Variants in STXBP5 observed in about 807,000 individuals in gnomAD.
STXBP5 encodes syntaxin-binding protein 5.
Under a neutral mutation model 152.4 loss-of-function variants are expected in STXBP5, and 50 were observed. That is an observed-to-expected ratio of 0.33 (90% CI 0.26 to 0.42). The LOEUF is 0.42. Among genes scored for constraint, STXBP5 ranks in the 10% least tolerant of loss-of-function variants. The pLI is 1.00. For missense variants in STXBP5, 1,167 were observed against 1,388.6 expected, an observed-to-expected ratio of 0.84 and a Z score of 2.54; for synonymous variants, 492 against 494.7, an observed-to-expected ratio of 0.99 and a Z score of 0.07.
At chr6:147,289,600 A>G (rs989587526) in intron 8 of STXBP5, among the ~76,000 whole-genome samples, 1 of 152,164 alleles carries the variant, frequency 6.6e-6, no homozygotes, top group Admixed American at 6.6e-5. Flanking sequence ...TTTATTTTCT[A>G]ATACAAGGAA....
intron 7 of STXBP5, among the ~76,000 whole-genome samples, chr6:147,272,059 G>A (rs892672289): frequency 3.9e-5 from 6 of 152,108 alleles, no homozygotes; most frequent in African/African-American, 1.4e-4. Flanking sequence ...TGGAAGTACC[G>A]ACGCTCACTC....
intron 25 of STXBP5, among the ~76,000 whole-genome samples, chr6:147,367,303 A>T (rs572920935): frequency 6.6e-5 from 10 of 152,334 alleles, no homozygotes; most frequent in South Asian, 2.1e-4. Flanking sequence ...ATATTAGGAA[A>T]GAAGGAGGTC....
rs992389722 is a variant in STXBP5, at chr6:147,390,407, A to G, written c.*5652A>G. 2 of 152,016 alleles carry G rather than the reference A, an allele frequency of 1.3e-5. No individual in the cohort carries two copies. Among genetic ancestry groups the G allele is most frequent in the African/African-American group, 4.8e-5 (2 of 41,408 alleles). The allele number at this position is 152,016 out of a possible 1,614,324, so 9.4% of individuals were successfully genotyped here. On this transcript the variant is annotated 3_prime_UTR_variant, in exon 28 of 28. Transcript: ENST00000321680. The stretch of plus-strand genomic sequence containing the variant: ...AAAATGTTCATATATATGTATATGA[A>G]TGTCTCTTTATGCTGAAGGGCTCTG...
In STXBP5 at chr6:147,382,947, A is replaced by G. The variant is rs1181806083; in HGVS notation, c.3363A>G (p.Arg1121=). The change falls in exon 27 of 28, where the codon AGA becomes AGG. Residue 1121 remains arginine, a synonymous_variant. Coordinates refer to ENST00000321680, the MANE Select transcript of STXBP5 (RefSeq NM_001127715.4). The stretch of plus-strand genomic sequence containing the variant: ...AGAAACTTGGCGATCTGGAAGAAAG[A>G]ACTGCGGCCATGTTATCAAGTGCAG... ...RGQKLGDLEE[R]TAAMLSSAES... is the part of the protein sequence containing the mutation. 1 of 1,613,370 alleles carries G rather than the reference A, an allele frequency of 6.2e-7. No homozygotes were observed. The highest frequency in any genetic ancestry group is 8.5e-7 in the Non-Finnish European group (1 of 1,179,666).
intron 2 of STXBP5, among the ~76,000 whole-genome samples, chr6:147,213,445 T>TGTGTGTGTGTGTGTGTGTGTGTGA (rs1776975462): frequency 9.5e-6 from 1 of 105,092 alleles, no homozygotes; most frequent in South Asian, 3.3e-4. Context: ...TGTGTGTGTG[T>TGTGTGTGTGTGTGTGTGTGTGTGA]GTGTGTGTGT....
intron 2 of STXBP5, among the ~76,000 whole-genome samples, chr6:147,230,661 G>C (rs1490227258): frequency 4.0e-5 from 6 of 149,544 alleles, no homozygotes; most frequent in Non-Finnish European, 8.9e-5. Flanking sequence ...ATATTTTGCT[G>C]TGTGTGTGTG....
rs905494015 is a variant in STXBP5, at chr6:147,337,077, A to G, written c.2147-2102A>G. Among the ~76,000 whole-genome samples the G allele has an allele frequency of 2.0e-5, 3 of 152,002 alleles. No homozygotes were observed. The East Asian group carries it at 5.8e-4, about 29-fold the overall frequency. ...TATGCATCCTGAACGAATGAAGGGA[A>G]AGACTTTCATTTGATCCTTACATCA... On this transcript the variant is annotated intron_variant, in intron 19 of 27. Coordinates refer to ENST00000321680, the MANE Select transcript of STXBP5 (RefSeq NM_001127715.4).
intron 25 of STXBP5, among the ~76,000 whole-genome samples, chr6:147,373,413 C>T (rs1785659693): frequency 6.7e-6 from 1 of 149,394 alleles, no homozygotes; most frequent in African/African-American, 2.5e-5. Context: ...AATTATTAAT[C>T]CTATTATCAA....
chr6:147,206,992 TAAATAGAAAAAAA>T (rs1776598223), intron 2 of STXBP5, among the ~76,000 whole-genome samples: 2 of 141,328 alleles, frequency 1.4e-5, no homozygotes, highest in Admixed American at 7.0e-5. Context: ...GTGTTGGTGA[TAAATAGAAAAAAA>T]AAATCACTAG....
intron 2 of STXBP5, among the ~76,000 whole-genome samples, chr6:147,220,677 T>C (rs1157235736): frequency 6.6e-6 from 1 of 152,180 alleles, no homozygotes; most frequent in Non-Finnish European, 1.5e-5. Context: ...GAAATTAATA[T>C]AGCTACTTTG....
intron 21 of STXBP5, among the ~76,000 whole-genome samples, chr6:147,350,105 C>T (rs1427973681): frequency 6.6e-6 from 1 of 152,078 alleles, no homozygotes; most frequent in Admixed American, 6.6e-5. Flanking sequence ...CTGTATTCAA[C>T]AATCTTTCCA....
chr6:147,349,002 T>C (rs1416159001), intron 21 of STXBP5, among the ~76,000 whole-genome samples: 1 of 152,146 alleles, frequency 6.6e-6, no homozygotes, highest in Non-Finnish European at 1.5e-5. Flanking sequence ...TTTTTCTGTT[T>C]CTTTATTGTC....
chr6:147,246,481 T>A (rs1392251585), intron 4 of STXBP5, among the ~76,000 whole-genome samples: 2 of 152,196 alleles, frequency 1.3e-5, no homozygotes, highest in African/African-American at 2.4e-5. Context: ...TAAATAATTA[T>A]TCTCAGGGGT....
chr6:147,292,957 G>A (rs575907102), intron 9 of STXBP5: 2 of 152,182 alleles, frequency 1.3e-5, no homozygotes, highest in African/African-American at 4.8e-5. Flanking sequence ...CTACCTAATA[G>A]CATCATGATC....
At chr6:147,339,053 G>A in intron 19 of STXBP5, 126 bp from the exon 20 acceptor site, 3 of 753,876 alleles carry the variant, frequency 4.0e-6, no homozygotes, top group South Asian at 3.5e-5. Context: ...GCCTCTTCTT[G>A]TGGTCACTAA....
intron 4 of STXBP5, among the ~76,000 whole-genome samples, chr6:147,241,176 T>A (rs1231464385): frequency 6.6e-6 from 1 of 152,200 alleles, no homozygotes. Flanking sequence ...AATTTCCATA[T>A]ACCTCATATA....
At chr6:147,215,569 C>T (rs1472625799) in intron 2 of STXBP5, among the ~76,000 whole-genome samples, 2 of 151,926 alleles carry the variant, frequency 1.3e-5, no homozygotes, top group African/African-American at 4.8e-5. Context: ...TTTTGTAGAG[C>T]CTGGGTTTTG....
chr6:147,255,091 G>A (rs1779290153), intron 4 of STXBP5, among the ~76,000 whole-genome samples: 1 of 152,168 alleles, frequency 6.6e-6, no homozygotes. Flanking sequence ...TGATAAACTG[G>A]ATAAAGAAAA....
In STXBP5 at chr6:147,349,343, G is replaced by A. The variant is rs141091562; in HGVS notation, c.2255-3980G>A. Among the ~76,000 whole-genome samples, 159 of 152,312 alleles carry A rather than the reference G, an allele frequency of 1.0e-3. 1 individual carries two copies. Among genetic ancestry groups the A allele is most frequent in the African/African-American group, 3.6e-3 (151 of 41,562 alleles). On this transcript the variant is annotated intron_variant, in intron 21 of 27. Coordinates refer to ENST00000321680, the MANE Select transcript of STXBP5 (RefSeq NM_001127715.4). ...TATTCCCGGAAATGGGACAGGGATTGATTAGGAAGAAGCATGCATGTCCTT... is the reference window on the plus strand; with the variant it reads ...TATTCCCGGAAATGGGACAGGGATTAATTAGGAAGAAGCATGCATGTCCTT...
Sources: allele counts gnomAD v4.1 joint callset (sites outside exome capture counted in the v4.1 genomes callset), GRCh38; gene constraint gnomAD v4.1.1; transcripts MANE v1.5; gene names NCBI Gene and HGNC (gene_info 2026-07-23, HGNC 2026-07-21).